Variants in ZNF773 observed in about 807,000 individuals in gnomAD.
ZNF773 encodes zinc finger protein 419B.
Under a neutral mutation model 12.8 loss-of-function variants are expected in ZNF773, and 11 were observed. The ratio of observed to expected loss-of-function variants is 0.86; its 90% confidence interval spans 0.54 to 1.42. The LOEUF (loss-of-function observed/expected upper bound fraction) is 1.42, where lower values mean the gene tolerates loss of function less well. ZNF773 is among the 40% of genes most tolerant of loss of function. The probability of loss-of-function intolerance (pLI) is 0.00; values close to 1 mark genes in which losing one functional copy is unlikely to be tolerated. For missense variants in ZNF773, 518 were observed against 527.2 expected, an observed-to-expected ratio of 0.98 and a Z score of 0.17; for synonymous variants, 175 against 178.4, an observed-to-expected ratio of 0.98 and a Z score of 0.15.
At chr19:57,502,509 G>C (rs1489351575) in intron 1 of ZNF773, among the ~76,000 whole-genome samples, 1 of 152,100 alleles carries the variant, frequency 6.6e-6, no homozygotes, top group Non-Finnish European at 1.5e-5. Context: ...AATGGGGAAG[G>C]CTACACAGGG....
downstream of ZNF773, chr19:57,515,903 A>G (rs1414726109): frequency 2.6e-5 from 4 of 152,224 alleles, no homozygotes; most frequent in Admixed American, 6.5e-5. Flanking sequence ...TGGTATGGAT[A>G]TTAAGACTCT....
Position 57,504,737 on chromosome 19 carries a change from C to T in ZNF773, c.114C>T (p.Leu38=). ...EWRLLDDAQR[L]LYRNVMLENF... Reference sequence around the variant, plus strand: ...GATTGCTTGATGACGCTCAGAGGCTCCTCTACCGCAATGTGATGCTGGAGA... The same window carrying T: ...GATTGCTTGATGACGCTCAGAGGCTTCTCTACCGCAATGTGATGCTGGAGA... The change falls in exon 2 of 4, where the codon CTC becomes CTT. Residue 38 remains leucine, a synonymous_variant. Coordinates refer to ENST00000282292, the MANE Select transcript of ZNF773 (RefSeq NM_198542.3). 6.2e-7 allele frequency: 1 copy of T among 1,613,890 alleles called. No homozygotes were observed. The highest frequency in any genetic ancestry group is 8.5e-7 in the Non-Finnish European group (1 of 1,179,966).
intron 1 of ZNF773, among the ~76,000 whole-genome samples, chr19:57,502,318 A>G (rs1354727941): frequency 6.6e-6 from 1 of 152,206 alleles, no homozygotes; most frequent in Non-Finnish European, 1.5e-5. Context: ...AGTGATCAAC[A>G]TTAGAAAATA....
chr19:57,512,531 G>A (rs1168512659), downstream of ZNF773, among the ~76,000 whole-genome samples: 1 of 151,380 alleles, frequency 6.6e-6, no homozygotes, highest in Non-Finnish European at 1.5e-5. Context: ...AGTCTCCTGA[G>A]TAGCTGGAAC....
At chr19:57,511,432 T>C (rs1355879099), downstream of ZNF773, among the ~76,000 whole-genome samples, 2 of 152,098 alleles carry the variant, frequency 1.3e-5, no homozygotes, top group African/African-American at 4.8e-5. Flanking sequence ...GAGAGTAAAG[T>C]ATTAGCTAAA....
intron 3 of ZNF773, 129 bp downstream of exon 3, chr19:57,505,529 T>C: frequency 2.8e-6 from 3 of 1,068,088 alleles, no homozygotes; most frequent in South Asian, 2.5e-5. Flanking sequence ...CTATCTTTTC[T>C]TCCTCAGTCA....
chr19:57,501,008 G>A (rs991561579), intron 1 of ZNF773, among the ~76,000 whole-genome samples: 3 of 152,182 alleles, frequency 2.0e-5, no homozygotes, highest in Non-Finnish European at 4.4e-5. Context: ...TGAACACCCA[G>A]GACTGGATGG....
intron 3 of ZNF773, among the ~76,000 whole-genome samples, chr19:57,505,813 C>G (rs1317682772): frequency 6.7e-6 from 1 of 150,152 alleles, no homozygotes; most frequent in Non-Finnish European, 1.5e-5. Flanking sequence ...CAGGTTGATG[C>G]CATTCTCCTG....
downstream of ZNF773, among the ~76,000 whole-genome samples, chr19:57,511,220 T>C (rs1411179606): frequency 1.3e-5 from 2 of 151,824 alleles, no homozygotes; most frequent in Non-Finnish European, 2.9e-5. Flanking sequence ...CCGGATACTT[T>C]TTTGTATTTT....
Position 57,499,966 on chromosome 19 carries a change from C to G in ZNF773, c.-115C>G, listed in dbSNP as rs1432348421. On this transcript the variant is annotated 5_prime_UTR_variant, in exon 1 of 4. Coordinates refer to ENST00000282292, the MANE Select transcript of ZNF773 (RefSeq NM_198542.3). ...CGCTGCGGCGACCAGCTCCGGAAAG[C>G]GCGGTGGGGACGCGCTGTGTTCTCG... 7.3e-7 allele frequency: 1 copy of G among 1,377,844 alleles called. No homozygotes were observed. The highest frequency in any genetic ancestry group is 9.7e-7 in the Non-Finnish European group (1 of 1,028,168). 85.4% of individuals were successfully genotyped at this position (1,377,844 alleles called of 1,614,324 possible). A position where few individuals can be genotyped will look rare whatever the true frequency, so the allele number is the denominator to read the frequency against.
intron 3 of ZNF773, 79 bp from the exon 4 acceptor site, chr19:57,506,279 G>A: frequency 1.3e-6 from 2 of 1,532,684 alleles, no homozygotes; most frequent in Non-Finnish European, 1.7e-6. Context: ...TAATTACCAG[G>A]TGTGTCAGAC....
chr19:57,510,284 T>C (rs1600155326), downstream of ZNF773, among the ~76,000 whole-genome samples: 1 of 152,200 alleles, frequency 6.6e-6, no homozygotes, highest in Admixed American at 6.5e-5. Flanking sequence ...ATTAGCAGAC[T>C]AAAATGAAAA....
At chr19:57,503,940 G>A (rs535597960) in intron 1 of ZNF773, among the ~76,000 whole-genome samples, 1 of 152,274 alleles carries the variant, frequency 6.6e-6, no homozygotes, top group East Asian at 1.9e-4. Context: ...TTACAGGCAT[G>A]AGCCACCATG....
intron 2 of ZNF773, 111 bp from the exon 3 acceptor site, chr19:57,505,191 C>T (rs753335089): frequency 6.1e-4 from 870 of 1,417,804 alleles, no homozygotes; most frequent in Non-Finnish European, 8.1e-4. Flanking sequence ...GTTGTTCCTG[C>T]AAGACCCTCC....
At chr19:57,503,892 A>G (rs966370981) in intron 1 of ZNF773, among the ~76,000 whole-genome samples, 6 of 152,106 alleles carry the variant, frequency 3.9e-5, no homozygotes, top group African/African-American at 1.4e-4. Flanking sequence ...TCCTGATCTC[A>G]GGTGATCCAC....
rs767414406 is a variant in ZNF773 at position 57,507,179 on chromosome 19, A to C, written c.1084A>C (p.Ser362Arg). 11 of 1,614,112 alleles carry C rather than the reference A, an allele frequency of 6.8e-6. No homozygotes were observed. Residue 362 changes from serine (S) to arginine (R), a missense_variant, in exon 4 of 4, where the codon AGT becomes CGT. Coordinates refer to ENST00000282292, the MANE Select transcript of ZNF773 (RefSeq NM_198542.3). ...CACTGGAGAAAGGCCTTATGAGTGC[A>C]GTGAATGTGGGAAATTTTTTAGCCA... ...VHTGERPYEC[S>R]ECGKFFSQSS...
chr19:57,501,097 G>A (rs934948724), intron 1 of ZNF773, among the ~76,000 whole-genome samples: 3 of 152,118 alleles, frequency 2.0e-5, no homozygotes, highest in Non-Finnish European at 4.4e-5. Context: ...ATGGAGAAAA[G>A]GAAAGGTCAG....
downstream of ZNF773, among the ~76,000 whole-genome samples, chr19:57,512,408 T>TA (rs2089802428): frequency 6.8e-6 from 1 of 146,062 alleles, no homozygotes; most frequent in Non-Finnish European, 1.5e-5. Flanking sequence ...GTATTTTTTT[T>TA]TTTTTTTTTT....
intron 1 of ZNF773, among the ~76,000 whole-genome samples, chr19:57,503,724 C>T (rs1420367745): frequency 1.3e-5 from 2 of 149,536 alleles, no homozygotes; most frequent in Non-Finnish European, 3.0e-5. Flanking sequence ...ATGGCAAGAT[C>T]TTGGCTCACG....
Sources: allele counts gnomAD v4.1 joint callset (sites outside exome capture counted in the v4.1 genomes callset), GRCh38; gene constraint gnomAD v4.1.1; transcripts MANE v1.5; gene names NCBI Gene and HGNC (gene_info 2026-07-23, HGNC 2026-07-21).